The following SEC14L2 variants were observed in gnomAD, a reference collection of about 807,000 sequenced individuals.
SEC14L2 encodes SEC14-like protein 2.
Under a neutral mutation model 56.9 loss-of-function variants are expected in SEC14L2, and 50 were observed. That is an observed-to-expected ratio of 0.88 (90% CI 0.70 to 1.11). The LOEUF is 1.11. SEC14L2 is among the 50% of genes most tolerant of loss of function. SEC14L2 has a pLI of 0.00. For missense variants in SEC14L2, 414 were observed against 500.7 expected (o/e 0.83, Z 1.65); for synonymous variants, 179 against 188.5 (o/e 0.95, Z 0.41).
intron 2 of SEC14L2, among the ~76,000 whole-genome samples, chr22:30,403,896 G>C (rs948018528): frequency 4.0e-5 from 6 of 151,362 alleles, no homozygotes; most frequent in African/African-American, 1.5e-4. Context: ...CCAGCTACTC[G>C]GGAGGCTGAG....
intron 3 of SEC14L2, 34 bp from the exon 4 acceptor site, chr22:30,407,061 T>G: frequency 6.2e-7 from 1 of 1,610,428 alleles, no homozygotes. Flanking sequence ...TGTCCATCCC[T>G]CCTTTTAAAA....
In SEC14L2 at chr22:30,397,169, AG is replaced by A; in HGVS notation, c.54+1del. On this transcript the variant is annotated frameshift_variant and splice_region_variant, in exon 1 of 12. Coordinates refer to ENST00000615189, the MANE Select transcript of SEC14L2 (RefSeq NM_012429.5). LOFTEE classifies it high-confidence loss of function. ...CCCAGGCAGAAGGAGGCATTGGCCA[AG>A]GTGAGCTGTAGCCCTGGCCCGGGCT... ...LSPRQKEALA[K>X]FRENVQDVLP... 1.3e-6 allele frequency: 2 copies of A among 1,540,948 alleles called. No individual in the cohort carries two copies. Among genetic ancestry groups the A allele is most frequent in the Non-Finnish European group, 1.8e-6 (2 of 1,142,574 alleles).
Position 30,406,214 on chromosome 22 carries a change from G to A in SEC14L2, c.131-128G>A, listed in dbSNP as rs537742987. 5.0e-5 allele frequency: 40 copies of A among 795,614 alleles called. No individual in the cohort carries two copies. In the South Asian group the frequency reaches 7.0e-4, roughly 14 times the overall value. 49.3% of individuals were successfully genotyped at this position (795,614 alleles called of 1,614,324 possible). A position where few individuals can be genotyped will look rare whatever the true frequency, so the allele number is the denominator to read the frequency against. Reference sequence around the variant, plus strand: ...TCATGTTAGCTTCTGCTTGTAGGATGGTCTGAGGGTTAGCTGGAGAGATGA... The same window carrying A: ...TCATGTTAGCTTCTGCTTGTAGGATAGTCTGAGGGTTAGCTGGAGAGATGA... On this transcript the variant is annotated intron_variant, in intron 2 of 11. Coordinates refer to ENST00000615189, the MANE Select transcript of SEC14L2 (RefSeq NM_012429.5).
At chr22:30,410,865 C>T (rs1331483288) in intron 8 of SEC14L2, among the ~76,000 whole-genome samples, 186 bp downstream of exon 8, 2 of 152,210 alleles carry the variant, frequency 1.3e-5, no homozygotes, top group African/African-American at 4.8e-5. Flanking sequence ...CTCTTTCTCT[C>T]AGACACTCTA....
At chr22:30,397,430 C>T in intron 1 of SEC14L2, 1 of 475,544 alleles carries the variant, frequency 2.1e-6, no homozygotes, top group Non-Finnish European at 3.7e-6. Flanking sequence ...CAAGTGGTTG[C>T]TTGTGAGTCC....
At chr22:30,403,279 C>T (rs1212587548) in intron 2 of SEC14L2, among the ~76,000 whole-genome samples, 1 of 152,126 alleles carries the variant, frequency 6.6e-6, no homozygotes, top group South Asian at 2.1e-4. Flanking sequence ...AGAGCAGGTC[C>T]GCAAGTCTCC....
chr22:30,399,778 C>T (rs1237028973), intron 2 of SEC14L2, 60 bp downstream of exon 2: 2 of 1,468,748 alleles, frequency 1.4e-6, no homozygotes, highest in Non-Finnish European at 1.9e-6. Context: ...AACAGAATAG[C>T]ACCCTCTGAA....
chr22:30,416,067 C>T lies in SEC14L2; in HGVS notation c.891C>T (p.Leu297=), dbSNP rs1169409129. ...CCCACCAAGTGGAGTATGAGATCCT[C>T]TTCCCTGGCTGTGTCCTCAGGTAGG... The part of the protein sequence containing the change: ...GSSHQVEYEI[L]FPGCVLRWQF... The change falls in exon 10 of 12, where the codon CTC becomes CTT. Residue 297 remains leucine, a synonymous_variant. Coordinates refer to ENST00000615189, the MANE Select transcript of SEC14L2 (RefSeq NM_012429.5). The T allele has an allele frequency of 2.5e-6, 4 of 1,614,270 alleles. No homozygotes were observed. The East Asian group carries it at 8.9e-5, about 36-fold the overall frequency.
chr22:30,419,524 C>G (rs1934463194), intron 11 of SEC14L2, among the ~76,000 whole-genome samples: 1 of 152,144 alleles, frequency 6.6e-6, no homozygotes, highest in Admixed American at 6.5e-5. Context: ...ACCTGGGTGA[C>G]AGAGAGAGAC....
chr22:30,415,370 T>A (rs1006279367), intron 8 of SEC14L2, among the ~76,000 whole-genome samples: 1 of 151,954 alleles, frequency 6.6e-6, no homozygotes, highest in Non-Finnish European at 1.5e-5. Context: ...GAGGCGGAGG[T>A]TGCAGTGATC....
At chr22:30,399,810 G>A (rs1933875751) in intron 2 of SEC14L2, 92 bp downstream of exon 2, 11 of 1,103,564 alleles carry the variant, frequency 1.0e-5, no homozygotes, top group South Asian at 9.0e-5. Context: ...TGGCAATTGA[G>A]GCATCTAGAG....
Position 30,407,435 on chromosome 22 carries a change from A to G in SEC14L2, c.255A>G (p.Ser85=). ...CCCAGGTGATCCAACAGTATCTGTC[A>G]GGGGGTATGTGTGGCTATGACCTGG... The part of the protein sequence containing the change: ...QPPEVIQQYL[S]GGMCGYDLDG... Residue 85 remains serine, a synonymous_variant, in exon 5 of 12, where the codon TCA becomes TCG. Coordinates refer to ENST00000615189, the MANE Select transcript of SEC14L2 (RefSeq NM_012429.5). The G allele has an allele frequency of 6.2e-7, 1 of 1,614,106 alleles. No homozygotes were observed. Among genetic ancestry groups the G allele is most frequent in the Non-Finnish European group, 8.5e-7 (1 of 1,179,986 alleles).
At position 30,410,655 on chromosome 22, in the gene SEC14L2, C is replaced by T. The variant is rs774561358; in HGVS notation, c.640C>T (p.Arg214Cys). Residue 214 changes from arginine to cysteine, a missense_variant, in exon 8 of 12, where the codon CGT becomes TGT. Transcript: ENST00000615189. ...CAAACCCTTCCTGAGTGAGGACACTCGTAAGAAGATCATGGTCCTGGGAGG... is the reference window on the plus strand; with the variant it reads ...CAAACCCTTCCTGAGTGAGGACACTTGTAAGAAGATCATGGTCCTGGGAGG... Reference protein sequence around the residue: ...LIKPFLSEDTRKKIMVLGANW... With the variant: ...LIKPFLSEDTCKKIMVLGANW... 1.4e-4 allele frequency: 234 copies of T among 1,614,004 alleles called. No individual in the cohort carries two copies. The Admixed American group carries it at 3.8e-3, about 26-fold the overall frequency.
chr22:30,400,209 G>A (rs1029211750), intron 2 of SEC14L2: 4 of 154,894 alleles, frequency 2.6e-5, no homozygotes, highest in Non-Finnish European at 4.3e-5. Flanking sequence ...GGGAACCTGA[G>A]GGGCACAGCC....
Position 30,409,477 on chromosome 22 carries a change from GT to G in SEC14L2, c.573del (p.Val192LeufsTer18), listed in dbSNP as rs780503827. 5 of 1,614,038 alleles carry G rather than the reference GT, an allele frequency of 3.1e-6. No homozygotes were observed. The highest frequency in any genetic ancestry group is 4.2e-6 in the Non-Finnish European group (5 of 1,180,004). On this transcript the variant is annotated frameshift_variant, in exon 7 of 12. Transcript: ENST00000615189. LOFTEE classifies it high-confidence loss of function. The stretch of plus-strand genomic sequence containing the variant: ...TCCCGAAACACTGAAGCGTCTTTTT[GT>G]TGTTAAAGGTAAGTTGGGAATTTCT... ...NYPETLKRLF[V>X]VKAPKLFPVA... is the part of the protein sequence containing the mutation.
chr22:30,408,844 C>A (rs972353361), intron 5 of SEC14L2, among the ~76,000 whole-genome samples: 3 of 152,226 alleles, frequency 2.0e-5, no homozygotes, highest in African/African-American at 7.2e-5. Flanking sequence ...GAACGTCTGT[C>A]CTCGGGCATA....
At chr22:30,409,857 G>A (rs1934201860) in intron 7 of SEC14L2, among the ~76,000 whole-genome samples, 1 of 151,898 alleles carries the variant, frequency 6.6e-6, no homozygotes, top group South Asian at 2.1e-4. Context: ...CCATGATTGT[G>A]CCACTGCACT....
chr22:30,399,649 G>A lies in SEC14L2; in HGVS notation c.61G>A (p.Glu21Lys), dbSNP rs778361028. The A allele has an allele frequency of 1.9e-5, 31 of 1,613,392 alleles. No individual in the cohort carries two copies. The highest frequency in any genetic ancestry group is 1.6e-4 in the Middle Eastern group (1 of 6,062). Residue 21 changes from glutamate to lysine, a missense_variant, in exon 2 of 12, where the codon GAG becomes AAG. Coordinates refer to ENST00000615189, the MANE Select transcript of SEC14L2 (RefSeq NM_012429.5). ...CCGATGCCTCTCCCTACAGTTTCGG[G>A]AGAATGTCCAGGATGTGCTGCCGGC... ...RQKEALAKFRENVQDVLPALP... is the reference protein window; with the variant it reads ...RQKEALAKFRKNVQDVLPALP...
At chr22:30,414,765 A>T (rs74462511) in intron 8 of SEC14L2, among the ~76,000 whole-genome samples, 45 of 139,018 alleles carry the variant, frequency 3.2e-4, no homozygotes, top group South Asian at 1.6e-3. Flanking sequence ...TGGGTATTTT[A>T]AAAAAAAAAA....
Sources: gnomAD v4.1 joint callset for allele counts (sites outside exome capture counted in the v4.1 genomes callset) on GRCh38, gnomAD v4.1.1 for gene constraint, MANE v1.5 for transcripts, NCBI Gene and HGNC (gene_info 2026-07-23, HGNC 2026-07-21) for gene names.